Variants in UBL7 observed in about 807,000 individuals in gnomAD.
UBL7 encodes ubiquitin like 7, also known as ubiquitin-like protein 7.
Under a neutral mutation model 41.7 loss-of-function variants are expected in UBL7, and 21 were observed. The ratio of observed to expected loss-of-function variants is 0.50; its 90% CI spans 0.36 to 0.73. The LOEUF (loss-of-function observed/expected upper bound fraction) is 0.73. Among genes scored for constraint, UBL7 ranks in the 30% least tolerant of loss-of-function variants. UBL7 has a pLI of 0.00. For missense variants in UBL7, 403 were observed against 478.4 expected, an observed-to-expected ratio of 0.84 and a Z score of 1.47; for synonymous variants, 157 against 186.9, an observed-to-expected ratio of 0.84 and a Z score of 1.31.
At chr15:74,454,495 T>C (rs1317022906) in intron 3 of UBL7, among the ~76,000 whole-genome samples, 1 of 151,946 alleles carries the variant, frequency 6.6e-6, no homozygotes, top group Non-Finnish European at 1.5e-5. Context: ...GCCTCTTGGG[T>C]TCAACCGATT....
In UBL7 at chr15:74,446,309, AAAGG is replaced by A; in HGVS notation, c.1006-86_1006-83del. The stretch of plus-strand genomic sequence containing the variant: ...TTAGGTCTGTGCTTTCCGGGGAAGG[AAAGG>A]AAGATGGGGGAGTCCTCAGCAAAGC... On this transcript the variant is annotated intron_variant, in intron 10 of 10. Coordinates refer to ENST00000395081, the MANE Select transcript of UBL7 (RefSeq NM_032907.5). The surrounding 1 kb of genome is among the most constrained non-coding windows in gnomAD (Gnocchi z 4.1). 1.3e-6 allele frequency: 2 copies of A among 1,561,398 alleles called. No homozygotes were observed. The highest frequency in any genetic ancestry group is 2.7e-5 in the African/African-American group (2 of 73,822).
intron 3 of UBL7, 64 bp downstream of exon 3, chr15:74,456,488 C>T (rs902579195): frequency 1.4e-5 from 22 of 1,597,920 alleles, no homozygotes; most frequent in Non-Finnish European, 1.9e-5. Context: ...CTCAAGAACA[C>T]ACAGATCCTT....
intron 4 of UBL7, 33 bp from the exon 5 acceptor site, chr15:74,451,553 A>G: frequency 6.3e-7 from 1 of 1,576,870 alleles, no homozygotes; most frequent in East Asian, 2.2e-5. Flanking sequence ...TGAGCACTCC[A>G]ACCAGCTCAA....
In UBL7 at chr15:74,458,885, C is replaced by T; in HGVS notation, c.-18G>A. ...AGAGACATCCTCTCTCTTTCGCGCTCTCTCTTTCTCCCTGTAAAAGAACAA... is the reference window on the plus strand; with the variant it reads ...AGAGACATCCTCTCTCTTTCGCGCTTTCTCTTTCTCCCTGTAAAAGAACAA... On this transcript the variant is annotated 5_prime_UTR_variant, in exon 2 of 11. Coordinates refer to ENST00000395081, the MANE Select transcript of UBL7 (RefSeq NM_032907.5). The T allele has an allele frequency of 6.2e-7, 1 of 1,605,948 alleles. No homozygotes were observed. Among genetic ancestry groups the T allele is most frequent in the South Asian group, 1.1e-5 (1 of 91,078 alleles).
chr15:74,447,380 A>G (rs2061193543), intron 10 of UBL7, among the ~76,000 whole-genome samples: 1 of 152,200 alleles, frequency 6.6e-6, no homozygotes, highest in Admixed American at 6.5e-5. Context: ...TATTCCACTT[A>G]GCTGCTAGGG....
In UBL7 at chr15:74,450,796, AC is replaced by A; in HGVS notation, c.530+5del. The stretch of plus-strand genomic sequence containing the variant: ...AGGTACCCTCTAATAGGACAGGTAC[AC>A]TTACGTATCAAGCATATTGGGATCA... On this transcript the variant is annotated splice_donor_5th_base_variant and intron_variant, in intron 6 of 10. Coordinates refer to ENST00000395081, the MANE Select transcript of UBL7 (RefSeq NM_032907.5). 1 of 1,613,290 alleles carries A rather than the reference AC, an allele frequency of 6.2e-7. No homozygotes were observed. The highest frequency in any genetic ancestry group is 1.3e-5 in the African/African-American group (1 of 75,032).
Position 74,458,810 on chromosome 15 carries a change from T to C in UBL7, c.58A>G (p.Lys20Glu). Residue 20 changes from lysine (K) to glutamate (E), a missense_variant, in exon 2 of 11, where the codon AAG (lysine) becomes GAG (glutamate). Transcript: ENST00000395081. ...GTCTCTGGCAACCGAAGAATAGACT[T>C]TGGAGTAAGTGGCTGGTCAGCCAGC... Reference protein sequence around the residue: ...VKLADQPLTPKSILRLPETEL... With the variant: ...VKLADQPLTPESILRLPETEL... 6.2e-7 allele frequency: 1 copy of C among 1,613,628 alleles called. No homozygotes were observed. The highest frequency in any genetic ancestry group is 2.2e-5 in the East Asian group (1 of 44,886).
Position 74,456,737 on chromosome 15 carries a change from G to A in UBL7, c.185-66C>T. ...CAAATTTACATGGTTTTTGTCCCGA[G>A]AACCTTATTTTGATTAGATAGCTGG... On this transcript the variant is annotated intron_variant, in intron 2 of 10. Transcript: ENST00000395081. 5.2e-6 allele frequency: 8 copies of A among 1,551,414 alleles called. No individual in the cohort carries two copies. In the South Asian group the frequency reaches 9.2e-5, roughly 18 times the overall value.
rs1015902955 is a variant in UBL7 at position 74,449,064 on chromosome 15, G to A, written c.882+122C>T. 45 of 1,206,162 alleles carry A rather than the reference G, an allele frequency of 3.7e-5. No individual in the cohort carries two copies. In the African/African-American group the frequency reaches 6.6e-4, roughly 18 times the overall value. 74.7% of individuals were successfully genotyped at this position (1,206,162 alleles called of 1,614,324 possible). On this transcript the variant is annotated intron_variant, in intron 9 of 10. Coordinates refer to ENST00000395081, the MANE Select transcript of UBL7 (RefSeq NM_032907.5). The stretch of plus-strand genomic sequence containing the variant: ...AGCTGCAGTAAGAAATCCCCACCAG[G>A]ACTCCAGGGTTCAGCTTAAACTAGA...
chr15:74,446,123 G>T lies in UBL7; in HGVS notation c.1110C>A (p.Ala370=), dbSNP rs754654909. 3 of 1,614,122 alleles carry T rather than the reference G, an allele frequency of 1.9e-6. No homozygotes were observed. The change falls in exon 11 of 11, where the codon GCC becomes GCA. Residue 370 remains alanine (A), a synonymous_variant. Coordinates refer to ENST00000395081, the MANE Select transcript of UBL7 (RefSeq NM_032907.5). This position sits in a 1 kb window ranked among gnomAD's most constrained non-coding sequence, Gnocchi z 4.1. The part of the protein sequence containing the change: ...LQATGGDIQA[A]LELIFAGGAP ...CTCCTCCAGCAAAGATGAGCTCCAG[G>T]GCTGCTTGGATGTCCCCACCGGTGG...
intron 2 of UBL7, among the ~76,000 whole-genome samples, chr15:74,457,915 A>ATTACCT (rs1261451142): frequency 4.6e-5 from 7 of 152,124 alleles, no homozygotes; most frequent in African/African-American, 1.2e-4. Context: ...GCTATTAAAA[A>ATTACCT]TTACCTTTTC....
intron 3 of UBL7, among the ~76,000 whole-genome samples, chr15:74,456,280 G>A (rs2061293552): frequency 6.6e-6 from 1 of 152,042 alleles, no homozygotes; most frequent in Non-Finnish European, 1.5e-5. Flanking sequence ...CTCCAGCCTG[G>A]GCAACAGAGT....
At position 74,456,555 on chromosome 15, in the gene UBL7, G is replaced by A. The variant is rs1422288320; in HGVS notation, c.301C>T (p.Pro101Ser). 3 of 1,613,822 alleles carry A rather than the reference G, an allele frequency of 1.9e-6. No homozygotes were observed. The highest frequency in any genetic ancestry group is 1.7e-6 in the Non-Finnish European group (2 of 1,179,904). Residue 101 changes from proline (P) to serine (S), a missense_variant, in exon 3 of 11, where the codon CCG (proline) becomes TCG (serine). Coordinates refer to ENST00000395081, the MANE Select transcript of UBL7 (RefSeq NM_032907.5). ...CTAAGGGCTGCCCCTCACTCACCCG[G>A]TTTCTGATCAGGTTCAGGCCAGGAC... ...RKSWPEPDQK[P>S]EPVDKVAAMR...
chr15:74,460,500 G>A (rs2061338387), intron 1 of UBL7, among the ~76,000 whole-genome samples: 1 of 151,786 alleles, frequency 6.6e-6, no homozygotes, highest in Non-Finnish European at 1.5e-5. Context: ...AACTCCTACC[G>A]AAACCAACAC....
intron 6 of UBL7, 68 bp downstream of exon 6, chr15:74,450,734 G>A: frequency 1.3e-6 from 2 of 1,557,794 alleles, no homozygotes; most frequent in South Asian, 1.1e-5. Flanking sequence ...ACTGCAGGGT[G>A]ACAATTAGGC....
intron 9 of UBL7, 35 bp from the exon 10 acceptor site, chr15:74,448,635 C>A (rs1017419296): frequency 1.2e-6 from 2 of 1,611,222 alleles, no homozygotes; most frequent in African/African-American, 2.7e-5. Flanking sequence ...CCACCCTCAG[C>A]GCCATCTCAA....
chr15:74,448,665 T>C (rs1301308682), intron 9 of UBL7, 65 bp from the exon 10 acceptor site: 3 of 1,599,396 alleles, frequency 1.9e-6, no homozygotes, highest in Middle Eastern at 1.7e-4. Context: ...AGATGCTCGC[T>C]GTTGTCATAT....
At position 74,456,674 on chromosome 15, in the gene UBL7, A is replaced by G. The variant is rs7166701; in HGVS notation, c.185-3T>C. On this transcript the variant is annotated splice_region_variant and splice_polypyrimidine_tract_variant and intron_variant, in intron 2 of 10. Coordinates refer to ENST00000395081, the MANE Select transcript of UBL7 (RefSeq NM_032907.5). ...CTTCCGACCACAGTAGATCAGATCT[A>G]AAAAAAGAACTGTCCACTTATATTT... 283,829 of 1,610,102 alleles carry G rather than the reference A, an allele frequency of 0.18. 35,638 individuals carry two copies. Among genetic ancestry groups the G allele is most frequent in the East Asian group, 0.53 (23,703 of 44,792 alleles).
intron 7 of UBL7, 28 bp downstream of exon 7, chr15:74,449,908 G>GC (rs770710843): frequency 8.8e-6 from 14 of 1,598,920 alleles, no homozygotes; most frequent in Non-Finnish European, 1.2e-5. Context: ...CTCCTGAGGG[G>GC]CCCACATTAC....
Sources: gnomAD v4.1 joint callset for allele counts (sites outside exome capture counted in the v4.1 genomes callset) on GRCh38, gnomAD v4.1.1 for gene constraint, Gnocchi (gnomAD v3.1) non-coding constraint, MANE v1.5 for transcripts, NCBI Gene and HGNC (gene_info 2026-07-23, HGNC 2026-07-21) for gene names.